SRPX: variants seen among roughly 807,000 people sequenced by gnomAD.
The protein encoded by SRPX is sushi repeat containing protein X-linked, also known as sushi repeat-containing protein SRPX.
In SRPX, 24 loss-of-function variants were observed where a neutral mutation model predicts 38.1. The ratio of observed to expected loss-of-function variants is 0.63; its 90% CI spans 0.46 to 0.89. SRPX has a LOEUF of 0.89. Among genes scored for constraint, SRPX ranks in the 40% least tolerant of loss-of-function variants. The pLI, the probability that SRPX is intolerant of heterozygous loss-of-function variation, is 0.00. For synonymous variants in SRPX, 184 were observed against 153.8 expected, an observed-to-expected ratio of 1.20 and a Z score of -1.45; for missense variants, 416 against 377.8, an observed-to-expected ratio of 1.10 and a Z score of -0.84.
At chrX:38,218,565 C>T (rs1939456048) in intron 1 of SRPX, among the ~76,000 whole-genome samples, 1 of 112,375 alleles carries the variant, frequency 8.9e-6, no homozygotes, top group Non-Finnish European at 1.9e-5. Flanking sequence ...TATTCACGTG[C>T]AGATAGTTAC....
intron 5 of SRPX, among the ~76,000 whole-genome samples, chrX:38,162,149 G>C (rs897302502): frequency 8.9e-6 from 1 of 112,450 alleles, no homozygotes; most frequent in Non-Finnish European, 1.9e-5. Flanking sequence ...TCAAATATAA[G>C]TGGATGTAAC....
chrX:38,159,988 G>A (rs1938210295), intron 7 of SRPX, 29 bp downstream of exon 7: 1 of 1,195,214 alleles, frequency 8.4e-7, no homozygotes, highest in African/African-American at 1.8e-5. Context: ...TACAGGTTCT[G>A]CTGCAGGCTG....
At chrX:38,198,131 G>C (rs1236108601) in intron 1 of SRPX, among the ~76,000 whole-genome samples, 2 of 112,185 alleles carry the variant, frequency 1.8e-5, no homozygotes, top group African/African-American at 6.5e-5. Flanking sequence ...CTTTGGGGAG[G>C]GAGTGGTGTA....
At chrX:38,151,333 G>GC (rs1218648285) in intron 9 of SRPX, among the ~76,000 whole-genome samples, 1 of 112,123 alleles carries the variant, frequency 8.9e-6, no homozygotes, top group African/African-American at 3.2e-5. Context: ...AAAATGCTCT[G>GC]CATCTTTAAG....
At chrX:38,169,599 C>T (rs1938429947) in intron 4 of SRPX, among the ~76,000 whole-genome samples, 1 of 112,119 alleles carries the variant, frequency 8.9e-6, no homozygotes, top group Non-Finnish European at 1.9e-5. Flanking sequence ...TATTACAATC[C>T]GTTCCACAGG....
chrX:38,197,046 A>C (rs1306523127), intron 1 of SRPX, among the ~76,000 whole-genome samples: 1 of 112,428 alleles, frequency 8.9e-6, no homozygotes, highest in Non-Finnish European at 1.9e-5. Context: ...GCTGCAGATG[A>C]ATCCAGAGAT....
chrX:38,151,469 G>A (rs1296528226), intron 9 of SRPX, among the ~76,000 whole-genome samples: 2 of 111,544 alleles, frequency 1.8e-5, no homozygotes, highest in East Asian at 5.6e-4. Flanking sequence ...TAAGAAATTG[G>A]AGCATTCATT....
At chrX:38,203,857 A>G (rs1939162649) in intron 1 of SRPX, among the ~76,000 whole-genome samples, 1 of 112,714 alleles carries the variant, frequency 8.9e-6, no homozygotes, top group Non-Finnish European at 1.9e-5. Context: ...TATGTAGAAA[A>G]TCTCAAAGAA....
At chrX:38,159,700 A>C (rs1938202534) in intron 7 of SRPX, among the ~76,000 whole-genome samples, 1 of 112,866 alleles carries the variant, frequency 8.9e-6, no homozygotes, top group Non-Finnish European at 1.9e-5. Context: ...TATAAATAAG[A>C]TCCTTACATT....
chrX:38,171,330 G>A (rs1305801043), intron 4 of SRPX, among the ~76,000 whole-genome samples: 1 of 111,260 alleles, frequency 9.0e-6, no homozygotes. Flanking sequence ...AGGTGGTGGG[G>A]GTGGGTTGGT....
chrX:38,204,279 A>C (rs1204150763), intron 1 of SRPX, among the ~76,000 whole-genome samples: 4 of 112,249 alleles, frequency 3.6e-5, no homozygotes, highest in African/African-American at 1.3e-4. Flanking sequence ...ACAATTTTGG[A>C]AAGAAGAATA....
chrX:38,159,254 C>T (rs1602439023), intron 7 of SRPX, among the ~76,000 whole-genome samples: 1 of 112,062 alleles, frequency 8.9e-6, no homozygotes, highest in South Asian at 3.7e-4. Context: ...TACTTTAATA[C>T]ATGAAATTGA....
At chrX:38,149,941 C>T in intron 9 of SRPX, 47 bp from the exon 10 acceptor site, 1 of 1,089,942 alleles carries the variant, frequency 9.2e-7, no homozygotes, top group Non-Finnish European at 1.2e-6. Context: ...CCATGACTCC[C>T]AAGGGTCCTG....
chrX:38,166,220 T>C (rs1938362073), intron 4 of SRPX, among the ~76,000 whole-genome samples: 1 of 112,474 alleles, frequency 8.9e-6, no homozygotes, highest in African/African-American at 3.2e-5. Context: ...TAAAATTCTT[T>C]ATATACTTTC....
chrX:38,173,269 A>T (rs1195526697), intron 3 of SRPX, among the ~76,000 whole-genome samples: 1 of 112,073 alleles, frequency 8.9e-6, no homozygotes, highest in Non-Finnish European at 1.9e-5. Flanking sequence ...TGCTTCAACA[A>T]TGCTGTACCA....
At chrX:38,188,374 C>G (rs755792601) in intron 1 of SRPX, among the ~76,000 whole-genome samples, 23 of 112,087 alleles carry the variant, frequency 2.1e-4, no homozygotes, top group African/African-American at 7.4e-4. Context: ...AGTGCCTCAG[C>G]GATACCAACC....
At chrX:38,166,421 C>T (rs1247646751) in intron 4 of SRPX, among the ~76,000 whole-genome samples, 1 of 111,803 alleles carries the variant, frequency 8.9e-6, no homozygotes, top group Non-Finnish European at 1.9e-5. Context: ...GAATCTAAGT[C>T]ACTCCTAATT....
rs1409633021 is a variant in SRPX at position 38,178,318 on chromosome X, C to T, written c.124G>A (p.Asp42Asn). Reference protein sequence around the residue: ...PGSGDSPLEDDEVGYSHPRYK... With the variant: ...PGSGDSPLEDNEVGYSHPRYK... ...CTAGGGTGTGAATACCCGACTTCAT[C>T]GTCTTCTAGTGGTGAGTCTCCCGAT... is the stretch of plus-strand genomic sequence containing the variant. Residue 42 changes from aspartate (D) to asparagine (N), a missense_variant, in exon 2 of 10, where the codon GAT (aspartate) becomes AAT (asparagine). Asp to Asn is a conservative substitution (Grantham distance 23). Coordinates refer to ENST00000378533, the MANE Select transcript of SRPX (RefSeq NM_006307.5). 8.3e-7 allele frequency: 1 copy of T among 1,210,141 alleles called. No individual in the cohort carries two copies. The highest frequency in any genetic ancestry group is 1.1e-6 in the Non-Finnish European group (1 of 894,620).
rs766465536 is a variant in SRPX at position 38,160,217 on chromosome X, A to C, written c.776-21T>G. 1.0e-5 allele frequency: 12 copies of C among 1,202,017 alleles called. No individual in the cohort carries two copies. In the East Asian group the frequency reaches 3.3e-4, roughly 33 times the overall value. On this transcript the variant is annotated intron_variant, in intron 6 of 9. Coordinates refer to ENST00000378533, the MANE Select transcript of SRPX (RefSeq NM_006307.5). ...TTTGACTGTAGGGACACAAGTCCAG[A>C]GGGGTCTCAGTGCTGAGCTCCCATC...
Sources: gnomAD v4.1 joint callset for allele counts (sites outside exome capture counted in the v4.1 genomes callset) on GRCh38, gnomAD v4.1.1 for gene constraint, MANE v1.5 for transcripts, NCBI Gene and HGNC (gene_info 2026-07-23, HGNC 2026-07-21) for gene names.